Variants in SLC1A4 observed in about 807,000 individuals in gnomAD.
The protein encoded by SLC1A4 is neutral amino acid transporter A.
SLC1A4 carries 19 observed loss-of-function variants against 37.7 expected under a neutral mutation model. The observed-to-expected ratio is 0.50, with a 90% CI of 0.35 to 0.74. The LOEUF is 0.74. Among genes scored for constraint, SLC1A4 ranks in the 30% least tolerant of loss-of-function variants. The pLI is 0.01. For synonymous variants in SLC1A4, 299 were observed against 309.8 expected (o/e 0.97, Z 0.37); for missense variants, 570 against 712.9 (o/e 0.80, Z 2.28).
chr2:65,009,412 AG>A (rs1051080394), intron 3 of SLC1A4, among the ~76,000 whole-genome samples: 2 of 151,956 alleles, frequency 1.3e-5, no homozygotes, highest in African/African-American at 4.8e-5. Flanking sequence ...AAGAAAGAAA[AG>A]AAAAAGAAAA....
At chr2:65,020,233 A>G (rs956075769) in intron 7 of SLC1A4, among the ~76,000 whole-genome samples, 11 of 152,228 alleles carry the variant, frequency 7.2e-5, no homozygotes, top group Non-Finnish European at 5.9e-5. Context: ...CTAGACACAA[A>G]ACCGTATCCA....
chr2:65,016,066 C>T (rs1469521906), intron 4 of SLC1A4, among the ~76,000 whole-genome samples: 5 of 152,246 alleles, frequency 3.3e-5, no homozygotes, highest in Admixed American at 3.3e-4. Context: ...GTTCTCAGAA[C>T]AAGCCTGAGC....
Position 65,018,217 on chromosome 2 carries a change from C to T in SLC1A4, c.1181C>T (p.Ala394Val), listed in dbSNP as rs768616901. 168 of 1,614,150 alleles carry T rather than the reference C, an allele frequency of 1.0e-4. No homozygotes were observed. Among genetic ancestry groups the T allele is most frequent in the African/African-American group, 1.3e-4 (10 of 75,048 alleles). The change falls in exon 6 of 8, where the codon GCG (alanine) becomes GTG (valine). Residue 394 changes from alanine (A) to valine (V), a missense_variant. Physicochemically the swap from Ala to Val is moderately conservative, Grantham distance 64 (BLOSUM62 0). Coordinates refer to ENST00000234256, the MANE Select transcript of SLC1A4 (RefSeq NM_003038.5). The surrounding 1 kb of genome is among the most constrained non-coding windows in gnomAD (Gnocchi z 4.3). The stretch of plus-strand genomic sequence containing the variant: ...CAGTGTGTGGCCGCGGTGTTCATTG[C>T]GCAACTCAACAACGTAGAGCTCAAC... ...IFQCVAAVFI[A>V]QLNNVELNAG...
chr2:65,009,334 T>A (rs141774951), intron 3 of SLC1A4, among the ~76,000 whole-genome samples: 1 of 149,744 alleles, frequency 6.7e-6, no homozygotes, highest in Non-Finnish European at 1.5e-5. Flanking sequence ...GATCACCCCA[T>A]TGCACTCCAG....
intron 3 of SLC1A4, among the ~76,000 whole-genome samples, chr2:65,008,061 T>C (rs1338151148): frequency 6.6e-6 from 1 of 152,198 alleles, no homozygotes; most frequent in African/African-American, 2.4e-5. Flanking sequence ...CTCCCACATA[T>C]GAGAACATGT....
chr2:64,998,409 A>ACTC (rs570227835), intron 1 of SLC1A4, among the ~76,000 whole-genome samples: 1 of 148,442 alleles, frequency 6.7e-6, no homozygotes, highest in African/African-American at 2.5e-5. Context: ...ACAAAGTGAG[A>ACTC]CTCTGTCTCC....
rs1399679364 is a variant in SLC1A4, at chr2:65,023,044, CA to C, written c.*1899del. The C allele has an allele frequency of 2.6e-5, 4 of 152,236 alleles. No homozygotes were observed. Among genetic ancestry groups the C allele is most frequent in the African/African-American group, 9.7e-5 (4 of 41,432 alleles). The allele number at this position is 152,236 out of a possible 1,614,324, so 9.4% of individuals were successfully genotyped here. On this transcript the variant is annotated 3_prime_UTR_variant, in exon 8 of 8. Coordinates refer to ENST00000234256, the MANE Select transcript of SLC1A4 (RefSeq NM_003038.5). ...CCATGGGACACAGAGTTGACCCAGC[CA>C]GGGGGAAAGCCCAGCTCTCTTTAAA...
chr2:65,000,152 C>G (rs1394795105), intron 1 of SLC1A4: 5 of 152,174 alleles, frequency 3.3e-5, no homozygotes, highest in Non-Finnish European at 7.3e-5. Flanking sequence ...CTCTTCTAGA[C>G]TTACTCTTCT....
intron 4 of SLC1A4, among the ~76,000 whole-genome samples, chr2:65,015,148 G>C (rs1283154909): frequency 6.6e-6 from 1 of 152,212 alleles, no homozygotes; most frequent in African/African-American, 2.4e-5. Flanking sequence ...ACAAGAAGTA[G>C]AACAGTGATT....
At chr2:64,994,962 T>TA (rs926024557) in intron 1 of SLC1A4, 12 of 152,242 alleles carry the variant, frequency 7.9e-5, no homozygotes, top group Admixed American at 7.9e-4. Context: ...TTGTTGTAAC[T>TA]ATGCCCATGT....
rs150874487 is a variant in SLC1A4 at position 65,021,247 on chromosome 2, C to T, written c.*101C>T. The T allele has an allele frequency of 2.2e-6, 2 of 926,318 alleles. No individual in the cohort carries two copies. The highest frequency in any genetic ancestry group is 5.2e-5 in the East Asian group (2 of 38,654). 57.4% of individuals were successfully genotyped at this position (926,318 alleles called of 1,614,324 possible). On this transcript the variant is annotated 3_prime_UTR_variant, in exon 8 of 8. Transcript: ENST00000234256. ...GGCACTGCCCTTGCCAACTTTTACC[C>T]TCCCAAGCAATGCTTTGGCCCAGTC... is the stretch of plus-strand genomic sequence containing the variant.
At chr2:64,992,272 T>TA (rs1001282190) in intron 1 of SLC1A4, among the ~76,000 whole-genome samples, 8 of 152,280 alleles carry the variant, frequency 5.3e-5, no homozygotes, top group Non-Finnish European at 1.2e-4. Context: ...GCAGTGGTGG[T>TA]AGGGGGTACC....
At position 64,989,748 on chromosome 2, in the gene SLC1A4, C is replaced by A; in HGVS notation, c.105C>A (p.Cys35Ter). 2 of 1,450,440 alleles carry A rather than the reference C, an allele frequency of 1.4e-6. No homozygotes were observed. Among genetic ancestry groups the A allele is most frequent in the Non-Finnish European group, 1.8e-6 (2 of 1,108,398 alleles). 89.8% of individuals were successfully genotyped at this position (1,450,440 alleles called of 1,614,324 possible). Residue 35 changes from cysteine (C) to a stop codon, truncating the protein, a stop_gained, in exon 1 of 8, where the codon TGC becomes TGA. Transcript: ENST00000234256. LOFTEE classifies it high-confidence loss of function. ...CCGCGGCGGGACGCGCACGGCGTTG[C>A]GCGGGCTTCCTGCGGCGCCAAGCGC... ...PGTAAGRARR[C>*]AGFLRRQALV...
chr2:65,013,543 A>G (rs1313810274), intron 4 of SLC1A4, among the ~76,000 whole-genome samples: 1 of 152,194 alleles, frequency 6.6e-6, no homozygotes, highest in Non-Finnish European at 1.5e-5. Context: ...TTTAATCTGG[A>G]AACCAGTTTA....
chr2:65,020,928 G>T lies in SLC1A4; in HGVS notation c.1381G>T (p.Val461Leu), dbSNP rs1360817046. ...VDWIVDRTTT[V>L]VNVEGDALGA... is the part of the protein sequence containing the mutation. ...TCCCACCAGGGACCGGACCACCACG[G>T]TGGTGAATGTGGAAGGGGATGCCCT... Residue 461 changes from valine to leucine, a missense_variant, in exon 8 of 8, where the codon GTG becomes TTG. By Grantham distance (32) the Val-to-Leu change is conservative. Transcript: ENST00000234256. 6.2e-7 allele frequency: 1 copy of T among 1,614,010 alleles called. No individual in the cohort carries two copies. The highest frequency in any genetic ancestry group is 1.7e-5 in the Admixed American group (1 of 60,010).
intron 1 of SLC1A4, among the ~76,000 whole-genome samples, chr2:64,991,887 C>T (rs1572940292): frequency 1.3e-5 from 2 of 152,302 alleles, no homozygotes; most frequent in East Asian, 3.9e-4. Context: ...AGGTGTGAGC[C>T]ACCCTGCCTG....
intron 1 of SLC1A4, among the ~76,000 whole-genome samples, chr2:64,991,592 T>TAA (rs10659733): frequency 1.3e-5 from 2 of 149,500 alleles, no homozygotes; most frequent in African/African-American, 5.0e-5. Flanking sequence ...CACACCCAGC[T>TAA]TTTTGTTTGT....
In SLC1A4 at chr2:65,018,077, G is replaced by T; in HGVS notation, c.1041G>T (p.Ala347=). The T allele has an allele frequency of 6.2e-7, 1 of 1,612,136 alleles. No individual in the cohort carries two copies. The highest frequency in any genetic ancestry group is 1.1e-5 in the South Asian group (1 of 91,010). ...TTGTTTTTCCCATTTCTAGCTCAGCGACCCTTCCCTCTATGATGAAGTGCA... is the reference window on the plus strand; with the variant it reads ...TTGTTTTTCCCATTTCTAGCTCAGCTACCCTTCCCTCTATGATGAAGTGCA... The part of the protein sequence containing the change: ...ATAFATCSSS[A]TLPSMMKCIE... The change falls in exon 6 of 8, where the codon GCG becomes GCT. Residue 347 remains alanine (A), a synonymous_variant. Coordinates refer to ENST00000234256, the MANE Select transcript of SLC1A4 (RefSeq NM_003038.5). The surrounding 1 kb of genome is among the most constrained non-coding windows in gnomAD (Gnocchi z 4.3).
rs375265345 is a variant in SLC1A4 at position 64,989,691 on chromosome 2, G to A, written c.48G>A (p.Ala16=). ...ETNGYLDSAQ[A]GPAAGPGAPG... is the part of the protein sequence containing the mutation. ...ACGGCTACCTTGACAGCGCTCAGGC[G>A]GGGCCTGCGGCCGGGCCCGGAGCTC... The change falls in exon 1 of 8, where the codon GCG becomes GCA. Residue 16 remains alanine, a synonymous_variant. Coordinates refer to ENST00000234256, the MANE Select transcript of SLC1A4 (RefSeq NM_003038.5). 6.7e-4 allele frequency: 1,029 copies of A among 1,537,870 alleles called. 1 individual carries two copies. Among genetic ancestry groups the A allele is most frequent in the Non-Finnish European group, 8.8e-4 (1,005 of 1,148,450 alleles).
Sources: gnomAD v4.1 joint callset for allele counts (sites outside exome capture counted in the v4.1 genomes callset) on GRCh38, gnomAD v4.1.1 for gene constraint, Gnocchi (gnomAD v3.1) non-coding constraint, MANE v1.5 for transcripts, NCBI Gene and HGNC (gene_info 2026-07-23, HGNC 2026-07-21) for gene names.